PCDHGA8: variants seen among roughly 807,000 people sequenced by gnomAD.
PCDHGA8 encodes the protein protocadherin gamma-A8.
PCDHGA8 carries 45 observed loss-of-function variants against 59.2 expected under a neutral mutation model. The ratio of observed to expected loss-of-function variants is 0.76; its 90% CI spans 0.60 to 0.98. PCDHGA8 has a LOEUF of 0.98. Among genes scored for constraint, PCDHGA8 ranks in the 50% least tolerant of loss-of-function variants. PCDHGA8 has a pLI of 0.00. For missense variants in PCDHGA8, 1,257 were observed against 1,196.2 expected (o/e 1.05, Z -0.75); for synonymous variants, 531 against 519.0 (o/e 1.02, Z -0.32).
At chr5:141,413,389 T>C (rs370906684) in intron 1 of PCDHGA8, 1 of 1,613,986 alleles carries the variant, frequency 6.2e-7, no homozygotes, top group South Asian at 1.1e-5. Context: ...CCGCATAGTC[T>C]CCAGAGGTAG....
chr5:141,438,072 A>C (rs761630845), intron 1 of PCDHGA8, among the ~76,000 whole-genome samples: 1 of 152,158 alleles, frequency 6.6e-6, no homozygotes, highest in Non-Finnish European at 1.5e-5. Flanking sequence ...AACCATACTT[A>C]ATGGAAAATT....
In PCDHGA8 at chr5:141,408,237, G is replaced by C. The variant is rs1445060280; in HGVS notation, c.2424+13000G>C. 3.2e-6 allele frequency: 5 copies of C among 1,575,002 alleles called. No individual in the cohort carries two copies. In the South Asian group the frequency reaches 4.6e-5, roughly 14 times the overall value. On this transcript the variant is annotated intron_variant, in intron 1 of 3. Transcript: ENST00000398604. ...AGCTGCGCGCAGAGGCGCCGGGCCG[G>C]CCCGCGGCAGGTGCTATTTCCTTTG...
At chr5:141,500,012 A>G (rs2099795840) in intron 2 of PCDHGA8, among the ~76,000 whole-genome samples, 1 of 151,622 alleles carries the variant, frequency 6.6e-6, no homozygotes, top group Non-Finnish European at 1.5e-5. Flanking sequence ...TAAGGTCCAC[A>G]TTTTATATTT....
At chr5:141,421,434 C>T (rs1247535353) in intron 1 of PCDHGA8, 1 of 1,613,980 alleles carries the variant, frequency 6.2e-7, no homozygotes, top group Non-Finnish European at 8.5e-7. Context: ...GCATCGTCTC[C>T]AGAGGGAAGA....
intron 1 of PCDHGA8, among the ~76,000 whole-genome samples, chr5:141,425,668 T>C (rs2096887740): frequency 1.3e-5 from 2 of 152,260 alleles, no homozygotes; most frequent in South Asian, 4.1e-4. Context: ...GCACATCAGA[T>C]TGAAAATAAT....
rs994726301 is a variant in PCDHGA8, at chr5:141,476,632, T to C, written c.2425-18175T>C. ...TGGGAAGCAACTCTTTACAAACCTA[T>C]GAGCTGAGCCGAAATGAATACTTTG... On this transcript the variant is annotated intron_variant, in intron 1 of 3. Transcript: ENST00000398604. The surrounding 1 kb of genome is among the most constrained non-coding windows in gnomAD (Gnocchi z 7.6). The C allele has an allele frequency of 8.7e-6, 14 of 1,614,098 alleles. No homozygotes were observed. Among genetic ancestry groups the C allele is most frequent in the Admixed American group, 1.7e-5 (1 of 60,016 alleles).
chr5:141,405,354 T>G lies in PCDHGA8; in HGVS notation c.2424+10117T>G, dbSNP rs781757006. The G allele has an allele frequency of 3.7e-6, 6 of 1,614,112 alleles. No homozygotes were observed. In the East Asian group the frequency reaches 1.3e-4, roughly 36 times the overall value. On this transcript the variant is annotated intron_variant, in intron 1 of 3. Coordinates refer to ENST00000398604, the MANE Select transcript of PCDHGA8 (RefSeq NM_032088.2). The stretch of plus-strand genomic sequence containing the variant: ...GTCTCTGTTGATTCCAAGTTTCCTA[T>G]AGAAGACACCCCTTTGGTTCCGGTG...
At chr5:141,479,855 C>T (rs1330076788) in intron 1 of PCDHGA8, among the ~76,000 whole-genome samples, 2 of 152,128 alleles carry the variant, frequency 1.3e-5, no homozygotes, top group Non-Finnish European at 2.9e-5. Context: ...ACTGCAAGGC[C>T]TTTGCCCTGG....
chr5:141,481,913 CAA>C (rs34114744), intron 1 of PCDHGA8, among the ~76,000 whole-genome samples: 12,059 of 90,730 alleles, frequency 0.13, 576 homozygotes, highest in African/African-American at 0.21. Flanking sequence ...AACTCCATCT[CAA>C]AAAAAAAAAA....
At chr5:141,418,692 C>T in intron 1 of PCDHGA8, 5 of 1,614,032 alleles carry the variant, frequency 3.1e-6, no homozygotes, top group Non-Finnish European at 4.2e-6. Flanking sequence ...TCAGAGATCA[C>T]TTATTCCTTC....
intron 1 of PCDHGA8, chr5:141,421,745 T>C: frequency 6.2e-7 from 1 of 1,613,950 alleles, no homozygotes; most frequent in Non-Finnish European, 8.5e-7. Flanking sequence ...AGCTACCAGC[T>C]CAGCCCTAAT....
intron 1 of PCDHGA8, among the ~76,000 whole-genome samples, chr5:141,430,064 A>T (rs1482609618): frequency 6.6e-6 from 1 of 152,190 alleles, no homozygotes; most frequent in Non-Finnish European, 1.5e-5. Flanking sequence ...TATCATTTTT[A>T]GGTTTCCATA....
chr5:141,423,225 C>G (rs763729316), intron 1 of PCDHGA8: 3 of 1,613,686 alleles, frequency 1.9e-6, no homozygotes, highest in Admixed American at 1.7e-5. Context: ...TGGCTGTGGC[C>G]GACAGCATCC....
intron 1 of PCDHGA8, among the ~76,000 whole-genome samples, chr5:141,466,916 GT>G (rs1204028461): frequency 6.6e-6 from 1 of 152,010 alleles, no homozygotes; most frequent in Non-Finnish European, 1.5e-5. Context: ...AAAACTCCTT[GT>G]ATTAGGAATA....
intron 1 of PCDHGA8, chr5:141,404,921 A>G: frequency 6.2e-7 from 1 of 1,613,804 alleles, no homozygotes; most frequent in South Asian, 1.1e-5. Context: ...TCTCTCGGCC[A>G]CTGTCACGCT....
intron 1 of PCDHGA8, chr5:141,413,721 C>A (rs779673406): frequency 6.2e-7 from 1 of 1,613,592 alleles, no homozygotes. Context: ...ATAAGCACTT[C>A]TCCCTAAGAG....
At chr5:141,461,892 C>T (rs976827774) in intron 1 of PCDHGA8, among the ~76,000 whole-genome samples, 2 of 152,030 alleles carry the variant, frequency 1.3e-5, no homozygotes, top group Non-Finnish European at 2.9e-5. Context: ...GGCACGATCT[C>T]GGCTCACTGC....
intron 1 of PCDHGA8, among the ~76,000 whole-genome samples, chr5:141,465,094 G>GT (rs138941665): frequency 0.11 from 15,577 of 148,094 alleles, 909 homozygotes; most frequent in African/African-American, 0.15. Flanking sequence ...TTTTCTAGTA[G>GT]TTTTTTTTTT....
At chr5:141,399,613 G>C (rs752648693) in intron 1 of PCDHGA8, 1 of 1,613,928 alleles carries the variant, frequency 6.2e-7, no homozygotes, top group South Asian at 1.1e-5. Context: ...AGAGCCTCTG[G>C]CACTGGCCTC....
Sources: gnomAD v4.1 joint callset for allele counts (sites outside exome capture counted in the v4.1 genomes callset) on GRCh38, gnomAD v4.1.1 for gene constraint, Gnocchi (gnomAD v3.1) non-coding constraint, MANE v1.5 for transcripts, NCBI Gene and HGNC (gene_info 2026-07-23, HGNC 2026-07-21) for gene names.